The following MCTP1 variants were observed in gnomAD, a reference collection of about 807,000 sequenced individuals.
MCTP1 encodes the protein multiple C2 and transmembrane domain-containing protein 1.
In MCTP1, 69 loss-of-function variants were observed where a neutral mutation model predicts 120.6. The ratio of observed to expected loss-of-function variants is 0.57; its 90% CI spans 0.47 to 0.70. The LOEUF is 0.70. Among genes scored for constraint, MCTP1 ranks in the 30% least tolerant of loss-of-function variants. The pLI is 0.00. For missense variants in MCTP1, 1,203 were observed against 1,248.8 expected (o/e 0.96, Z 0.55); for synonymous variants, 529 against 493.1 (o/e 1.07, Z -0.96).
chr5:95,123,219 T>A lies in MCTP1; in HGVS notation c.721-105735A>T, dbSNP rs181838697. ...CACATTACATGCCTGTATCAAAACA[T>A]CTCCTGTAACCCATAAATATGTATA... On this transcript the variant is annotated intron_variant, in intron 1 of 22. Coordinates refer to ENST00000515393, the MANE Select transcript of MCTP1 (RefSeq NM_024717.7). 2.6e-5 allele frequency among the ~76,000 whole-genome samples: 4 copies of A among 152,210 alleles called. No homozygotes were observed. In the East Asian group the frequency reaches 7.7e-4, roughly 29 times the overall value.
intron 19 of MCTP1, among the ~76,000 whole-genome samples, chr5:94,717,359 A>C (rs1281906893): frequency 6.6e-6 from 1 of 152,202 alleles, no homozygotes; most frequent in Non-Finnish European, 1.5e-5. Flanking sequence ...CTAGGTATTG[A>C]TGGAACATAC....
intron 2 of MCTP1, among the ~76,000 whole-genome samples, chr5:95,003,954 C>T (rs924026361): frequency 6.6e-6 from 1 of 152,046 alleles, no homozygotes; most frequent in Non-Finnish European, 1.5e-5. Context: ...AAGACAGGAA[C>T]ATGAGGAAAA....
At chr5:94,932,882 C>G (rs1353917463) in intron 5 of MCTP1, among the ~76,000 whole-genome samples, 1 of 151,906 alleles carries the variant, frequency 6.6e-6, no homozygotes, top group Non-Finnish European at 1.5e-5. Flanking sequence ...AACTGTATCT[C>G]TTTCAGGAGG....
chr5:94,881,377 C>T (rs1412873922), intron 12 of MCTP1, among the ~76,000 whole-genome samples: 1 of 152,112 alleles, frequency 6.6e-6, no homozygotes, highest in Non-Finnish European at 1.5e-5. Context: ...TATTATAAAT[C>T]CCCTTCTGAT....
rs533300705 is a variant in MCTP1 at position 95,088,025 on chromosome 5, G to A, written c.721-70541C>T. 4.3e-4 allele frequency among the ~76,000 whole-genome samples: 66 copies of A among 152,284 alleles called. 1 individual carries two copies. In the South Asian group the frequency reaches 0.012, roughly 28 times the overall value. On this transcript the variant is annotated intron_variant, in intron 1 of 22. Transcript: ENST00000515393. ...AATGCGCTGGGTGGGAAGATGAGCCGCCCATCTTCAGCTGTTTCACTTCTC... is the reference window on the plus strand; with the variant it reads ...AATGCGCTGGGTGGGAAGATGAGCCACCCATCTTCAGCTGTTTCACTTCTC...
Position 94,912,908 on chromosome 5 carries a change from G to A in MCTP1, c.1419C>T (p.Ser473=). The change falls in exon 9 of 23, where the codon AGC becomes AGT. Residue 473 remains serine (S), a synonymous_variant. Coordinates refer to ENST00000515393, the MANE Select transcript of MCTP1 (RefSeq NM_024717.7). ...GGTCTCTCCCTTCAATCAAGGTGATGCTGACTATTCCTCTCCAAAGATGCG... is the reference window on the plus strand; with the variant it reads ...GGTCTCTCCCTTCAATCAAGGTGATACTGACTATTCCTCTCCAAAGATGCG... ...RKSHLWRGIV[S]ITLIEGRDLK... is the part of the protein sequence containing the mutation. The A allele has an allele frequency of 6.2e-7, 1 of 1,604,022 alleles. No individual in the cohort carries two copies.
chr5:94,830,022 A>G (rs1368857517), intron 17 of MCTP1, among the ~76,000 whole-genome samples: 1 of 152,252 alleles, frequency 6.6e-6, no homozygotes, highest in Non-Finnish European at 1.5e-5. Flanking sequence ...TCTTTATAGT[A>G]TCTAACTCAG....
chr5:94,791,395 T>C (rs572960705), intron 18 of MCTP1, among the ~76,000 whole-genome samples: 1 of 151,970 alleles, frequency 6.6e-6, no homozygotes, highest in Non-Finnish European at 1.5e-5. Context: ...GGCAGGAGGC[T>C]GAGGTGAGAA....
chr5:95,150,727 T>G (rs552534289), intron 1 of MCTP1, among the ~76,000 whole-genome samples: 2 of 152,284 alleles, frequency 1.3e-5, no homozygotes, highest in South Asian at 2.1e-4. Context: ...ATTTCTAATG[T>G]CTAAAGGCTA....
At chr5:94,754,205 T>C (rs898895845) in intron 19 of MCTP1, among the ~76,000 whole-genome samples, 1 of 152,196 alleles carries the variant, frequency 6.6e-6, no homozygotes, top group African/African-American at 2.4e-5. Flanking sequence ...CAATCCAGCC[T>C]CACAGGTAAA....
At chr5:95,215,889 C>T (rs1273128112) in intron 1 of MCTP1, among the ~76,000 whole-genome samples, 1 of 151,998 alleles carries the variant, frequency 6.6e-6, no homozygotes, top group Non-Finnish European at 1.5e-5. Flanking sequence ...TAACATTAGC[C>T]TCTACACACT....
chr5:94,786,743 T>C (rs1777797228), intron 18 of MCTP1, among the ~76,000 whole-genome samples: 1 of 151,670 alleles, frequency 6.6e-6, no homozygotes, highest in Admixed American at 6.6e-5. Context: ...AAATAACCTT[T>C]AGGTAAGATT....
At chr5:94,850,730 G>A (rs866790220) in intron 17 of MCTP1, among the ~76,000 whole-genome samples, 5 of 151,998 alleles carry the variant, frequency 3.3e-5, no homozygotes, top group Non-Finnish European at 5.9e-5. Context: ...AAGGGGAAAC[G>A]TTTCTCTCTC....
Position 94,810,754 on chromosome 5 carries a change from A to T in MCTP1, c.2437-11622T>A, listed in dbSNP as rs980123538. On this transcript the variant is annotated intron_variant, in intron 17 of 22. Coordinates refer to ENST00000515393, the MANE Select transcript of MCTP1 (RefSeq NM_024717.7). The stretch of plus-strand genomic sequence containing the variant: ...GACTTTTTTCCACTCAAATTATTTC[A>T]CTCAGACTTATCCAACTTATCACGA... Among the ~76,000 whole-genome samples, 7 of 151,972 alleles carry T rather than the reference A, an allele frequency of 4.6e-5. 1 individual carries two copies. Among genetic ancestry groups the T allele is most frequent in the Admixed American group, 4.6e-4 (7 of 15,242 alleles).
intron 19 of MCTP1, among the ~76,000 whole-genome samples, chr5:94,757,008 T>C (rs1307445113): frequency 6.6e-6 from 1 of 152,190 alleles, no homozygotes; most frequent in Non-Finnish European, 1.5e-5. Flanking sequence ...TATATAGAAC[T>C]CGCTTCTAAT....
At chr5:95,183,221 T>G (rs1469216526) in intron 1 of MCTP1, among the ~76,000 whole-genome samples, 1 of 151,930 alleles carries the variant, frequency 6.6e-6, no homozygotes, top group African/African-American at 2.4e-5. Context: ...AAAATTATGC[T>G]GAATCAACTG....
At chr5:95,235,278 A>G (rs1472863141) in intron 1 of MCTP1, among the ~76,000 whole-genome samples, 1 of 151,864 alleles carries the variant, frequency 6.6e-6, no homozygotes, top group Non-Finnish European at 1.5e-5. Context: ...ATTCCTGATA[A>G]AAACTCTCAC....
chr5:94,945,098 C>T (rs1409704456), intron 3 of MCTP1, among the ~76,000 whole-genome samples: 2 of 152,048 alleles, frequency 1.3e-5, no homozygotes, highest in African/African-American at 4.8e-5. Flanking sequence ...GTGTCATAAA[C>T]AGAGTGTGTT....
chr5:95,052,113 A>G (rs1169295259), intron 1 of MCTP1, among the ~76,000 whole-genome samples: 2 of 152,212 alleles, frequency 1.3e-5, no homozygotes, highest in Non-Finnish European at 2.9e-5. Context: ...TAATATTAAG[A>G]TAAGTTTTAT....
Sources: allele counts gnomAD v4.1 joint callset (sites outside exome capture counted in the v4.1 genomes callset), GRCh38; gene constraint gnomAD v4.1.1; transcripts MANE v1.5; gene names NCBI Gene and HGNC (gene_info 2026-07-23, HGNC 2026-07-21).